Variants in CTTN observed in about 807,000 individuals in gnomAD.
The protein encoded by CTTN is src substrate cortactin.
A neutral mutation model predicts 84.0 loss-of-function variants in CTTN; 28 were observed. The ratio of observed to expected loss-of-function variants is 0.33; its 90% CI spans 0.25 to 0.46. CTTN has a LOEUF of 0.46. CTTN is among the 20% of genes least tolerant of loss of function. CTTN has a pLI of 1.00. For missense variants in CTTN, 641 were observed against 723.8 expected (o/e 0.89, Z 1.31); for synonymous variants, 301 against 288.8 (o/e 1.04, Z -0.43).
At chr11:70,403,337 C>T (rs903796429) in intron 1 of CTTN, among the ~76,000 whole-genome samples, 26 of 151,628 alleles carry the variant, frequency 1.7e-4, no homozygotes, top group Non-Finnish European at 2.6e-4. Context: ...TACAGGCATG[C>T]GTCACCACGC....
chr11:70,426,589 T>C (rs1246655384), intron 13 of CTTN, among the ~76,000 whole-genome samples: 3 of 151,486 alleles, frequency 2.0e-5, no homozygotes, highest in Non-Finnish European at 4.4e-5. Flanking sequence ...CAGTTAAATT[T>C]TTTTTTTTTT....
Position 70,409,868 on chromosome 11 carries a change from C to G in CTTN, c.199C>G (p.Gln67Glu). 1 of 1,613,982 alleles carries G rather than the reference C, an allele frequency of 6.2e-7. No homozygotes were observed. Reference protein sequence around the residue: ...KLRENVFQEHQTLKEKELETG... With the variant: ...KLRENVFQEHETLKEKELETG... ...GAGGGAGAATGTCTTTCAAGAGCATCAGACCCTTAAGGAGAAGGAACTTGA... is the reference window on the plus strand; with the variant it reads ...GAGGGAGAATGTCTTTCAAGAGCATGAGACCCTTAAGGAGAAGGAACTTGA... Residue 67 changes from glutamine (Q) to glutamate (E), a missense_variant, in exon 5 of 18, where the codon CAG becomes GAG. Transcript: ENST00000301843.
Position 70,436,112 on chromosome 11 carries a change from C to G in CTTN, c.*950C>G, listed in dbSNP as rs1252946555. ...GCTGTGAGCCGCCAGGAACCCTCCT[C>G]CTGTCAATGGGGGTGTAGTATTTTT... On this transcript the variant is annotated 3_prime_UTR_variant, in exon 18 of 18. Transcript: ENST00000301843. 1 of 1,429,896 alleles carries G rather than the reference C, an allele frequency of 7.0e-7. No homozygotes were observed. The highest frequency in any genetic ancestry group is 9.1e-7 in the Non-Finnish European group (1 of 1,097,758). 88.6% of individuals were successfully genotyped at this position (1,429,896 alleles called of 1,614,324 possible).
rs563619350 is a variant in CTTN at position 70,426,258 on chromosome 11, A to G, written c.1027+857A>G. Among the ~76,000 whole-genome samples the G allele has an allele frequency of 5.9e-5, 9 of 152,174 alleles. No homozygotes were observed. In the South Asian group the frequency reaches 1.9e-3, roughly 32 times the overall value. ...CCGTCTCTACTAAAAATACAAAAAC[A>G]AAATTAGCCAGGCATGGTGGCGGGC... On this transcript the variant is annotated intron_variant, in intron 13 of 17. Coordinates refer to ENST00000301843, the MANE Select transcript of CTTN (RefSeq NM_005231.4).
intron 11 of CTTN, 165 bp from the exon 12 acceptor site, chr11:70,422,775 G>A: frequency 1.4e-6 from 2 of 1,476,702 alleles, no homozygotes; most frequent in Non-Finnish European, 1.8e-6. Context: ...GACCATGGGT[G>A]GAAGCAAAAC....
chr11:70,430,356 A>G (rs893308230), intron 14 of CTTN, among the ~76,000 whole-genome samples: 2 of 152,204 alleles, frequency 1.3e-5, no homozygotes, highest in Admixed American at 1.3e-4. Flanking sequence ...CACACACAGC[A>G]CACAGCTAGT....
chr11:70,418,075 A>G (rs1033433475), intron 8 of CTTN, among the ~76,000 whole-genome samples: 1 of 152,138 alleles, frequency 6.6e-6, no homozygotes, highest in Non-Finnish European at 1.5e-5. Context: ...ATTTTTAAAA[A>G]TATTTGCCAA....
At position 70,433,131 on chromosome 11, in the gene CTTN, T is replaced by A; in HGVS notation, c.1297T>A (p.Tyr433Asn). 2 of 1,613,792 alleles carry A rather than the reference T, an allele frequency of 1.2e-6. No homozygotes were observed. Among genetic ancestry groups the A allele is most frequent in the Non-Finnish European group, 1.7e-6 (2 of 1,179,978 alleles). ...GGCTTCCTTCAAGGCAGAGCTGAGC[T>A]ACAGAGGCCCTGTGAGTGGGACGGA... is the stretch of plus-strand genomic sequence containing the variant. ...DAASFKAELS[Y>N]RGPVSGTEPE... is the part of the protein sequence containing the mutation. The change falls in exon 16 of 18, where the codon TAC (tyrosine) becomes AAC (asparagine). Residue 433 changes from tyrosine (Y) to asparagine (N), a missense_variant. This residue lies in a region of CTTN where 289 missense variants were observed against 273.1 expected (regional missense o/e 1.06). Transcript: ENST00000301843.
intron 6 of CTTN, 112 bp from the exon 7 acceptor site, chr11:70,415,551 C>A: frequency 1.0e-6 from 1 of 993,136 alleles, no homozygotes; most frequent in Non-Finnish European, 1.6e-6. Flanking sequence ...GAGGTCACAG[C>A]ATCATGTGTT....
chr11:70,413,748 C>T (rs567198273), intron 5 of CTTN, among the ~76,000 whole-genome samples: 8 of 152,308 alleles, frequency 5.3e-5, no homozygotes, highest in South Asian at 4.1e-4. Flanking sequence ...TGCTGCTCAG[C>T]GGAAATCCAG....
At chr11:70,419,958 C>G (rs931653454) in intron 9 of CTTN, 102 bp downstream of exon 9, 5 of 821,116 alleles carry the variant, frequency 6.1e-6, no homozygotes, top group Admixed American at 5.9e-5. Flanking sequence ...TAGCCCTTAA[C>G]GTAGATGTCT....
intron 12 of CTTN, among the ~76,000 whole-genome samples, chr11:70,424,359 C>A (rs946198400): frequency 6.6e-6 from 1 of 152,026 alleles, no homozygotes; most frequent in Non-Finnish European, 1.5e-5. Context: ...CTTGTGAGCA[C>A]GTGAGGAGGC....
intron 8 of CTTN, among the ~76,000 whole-genome samples, chr11:70,417,568 T>C (rs2058178821): frequency 6.6e-6 from 1 of 152,010 alleles, no homozygotes; most frequent in Non-Finnish European, 1.5e-5. Flanking sequence ...TGATCTCTGC[T>C]CACTGCAACC....
intron 7 of CTTN, 99 bp downstream of exon 7, chr11:70,415,816 T>C: frequency 8.3e-7 from 1 of 1,206,040 alleles, no homozygotes; most frequent in East Asian, 2.3e-5. Flanking sequence ...GGGGCCCTGA[T>C]GGGGAGAGTC....
At chr11:70,419,559 C>T (rs992981328) in intron 8 of CTTN, among the ~76,000 whole-genome samples, 187 bp from the exon 9 acceptor site, 3 of 152,216 alleles carry the variant, frequency 2.0e-5, no homozygotes, top group Non-Finnish European at 4.4e-5. Context: ...ACACCCCCAC[C>T]TCTGGTTACC....
intron 9 of CTTN, 99 bp downstream of exon 9, chr11:70,419,955 T>A: frequency 1.2e-6 from 1 of 845,638 alleles, no homozygotes; most frequent in Non-Finnish European, 1.9e-6. Context: ...TGATAGCCCT[T>A]AACGTAGATG....
At position 70,421,529 on chromosome 11, in the gene CTTN, G is replaced by A; in HGVS notation, c.850G>A (p.Ala284Thr). 3.7e-6 allele frequency: 6 copies of A among 1,614,174 alleles called. No individual in the cohort carries two copies. The highest frequency in any genetic ancestry group is 5.1e-6 in the Non-Finnish European group (6 of 1,180,028). Residue 284 changes from alanine to threonine, a missense_variant, in exon 11 of 18, where the codon GCT becomes ACT. Around this residue, in one of 3 missense-constraint regions of CTTN, gnomAD observed 289 missense variants for 273.1 expected, o/e 1.06. Coordinates refer to ENST00000301843, the MANE Select transcript of CTTN (RefSeq NM_005231.4). Reference protein sequence around the residue: ...GVQSERQDSAAVGFDYKEKLA... With the variant: ...GVQSERQDSATVGFDYKEKLA... ...TCAGTCGGAGAGGCAGGACTCCGCT[G>A]CTGTGGGGTTTGATTACAAGGAGAA... is the stretch of plus-strand genomic sequence containing the variant.
At position 70,421,575 on chromosome 11, in the gene CTTN, A is replaced by G. The variant is rs1834479442; in HGVS notation, c.896A>G (p.Gln299Arg). Residue 299 changes from glutamine (Q) to arginine (R), a missense_variant, in exon 11 of 18, where the codon CAG becomes CGG. By Grantham distance (43) the Gln-to-Arg change is conservative (BLOSUM62 1). Transcript: ENST00000301843. ...YKEKLAKHES[Q>R]QDYSKGFGGK... Reference sequence around the variant, plus strand: ...GAGAAGCTGGCCAAGCACGAGTCCCAGCAAGGCACAGTTGCCACCAGCCTC... The same window carrying G: ...GAGAAGCTGGCCAAGCACGAGTCCCGGCAAGGCACAGTTGCCACCAGCCTC... 6.2e-7 allele frequency: 1 copy of G among 1,612,890 alleles called. No individual in the cohort carries two copies.
intron 1 of CTTN, among the ~76,000 whole-genome samples, chr11:70,400,972 C>T (rs540898729): frequency 6.6e-6 from 1 of 152,348 alleles, no homozygotes; most frequent in Non-Finnish European, 1.5e-5. Context: ...CTTTCTCCTC[C>T]TGCTCTGCCA....
Sources: allele counts gnomAD v4.1 joint callset (sites outside exome capture counted in the v4.1 genomes callset), GRCh38; gene constraint gnomAD v4.1.1; regional missense constraint gnomAD v4.1.1; transcripts MANE v1.5; gene names NCBI Gene and HGNC (gene_info 2026-07-23, HGNC 2026-07-21).